The following CHST11 variants were observed in gnomAD, a reference collection of about 807,000 sequenced individuals.
The protein encoded by CHST11 is carbohydrate sulfotransferase 11.
CHST11 carries 9 observed loss-of-function variants against 30.4 expected under a neutral mutation model. That is an observed-to-expected ratio of 0.30 (90% CI 0.18 to 0.52). The LOEUF (loss-of-function observed/expected upper bound fraction) is 0.52, where lower values mean the gene tolerates loss of function less well. Among genes scored for constraint, CHST11 ranks in the 20% least tolerant of loss-of-function variants. CHST11 has a pLI of 0.97. For synonymous variants in CHST11, 152 were observed against 187.8 expected (o/e 0.81, Z 1.56); for missense variants, 348 against 460.6 (o/e 0.76, Z 2.24).
intron 1 of CHST11, among the ~76,000 whole-genome samples, chr12:104,556,389 C>T (rs1398751224): frequency 1.3e-5 from 2 of 152,006 alleles, no homozygotes; most frequent in African/African-American, 4.8e-5. Flanking sequence ...TATTAGGTTC[C>T]CAGGGCTGCC....
At chr12:104,548,762 G>A (rs913230247) in intron 1 of CHST11, among the ~76,000 whole-genome samples, 1 of 152,146 alleles carries the variant, frequency 6.6e-6, no homozygotes, top group African/African-American at 2.4e-5. Context: ...CTTAGGGCAG[G>A]GCCCCTTGCC....
intron 2 of CHST11, among the ~76,000 whole-genome samples, chr12:104,606,518 A>C (rs945872546): frequency 1.3e-5 from 2 of 152,200 alleles, no homozygotes; most frequent in African/African-American, 4.8e-5. Flanking sequence ...TTTTTAGTTA[A>C]GTTAACTGAG....
chr12:104,511,097 GGT>G (rs1565969084), intron 1 of CHST11, among the ~76,000 whole-genome samples: 1 of 152,192 alleles, frequency 6.6e-6, no homozygotes, highest in Non-Finnish European at 1.5e-5. Flanking sequence ...AGAAAGATAA[GGT>G]GGACAAAATG....
At chr12:104,611,854 C>T (rs921483056) in intron 2 of CHST11, among the ~76,000 whole-genome samples, 7 of 152,118 alleles carry the variant, frequency 4.6e-5, no homozygotes, top group African/African-American at 1.7e-4. Flanking sequence ...TTTCATAAGA[C>T]GTTATGTGAC....
chr12:104,628,830 G>T (rs192528326), intron 2 of CHST11, among the ~76,000 whole-genome samples: 2 of 152,284 alleles, frequency 1.3e-5, no homozygotes. Flanking sequence ...GCCTCTCTTT[G>T]AGAGCCCTTT....
chr12:104,571,530 C>T (rs1214461051), intron 1 of CHST11, among the ~76,000 whole-genome samples: 2 of 152,222 alleles, frequency 1.3e-5, no homozygotes, highest in African/African-American at 2.4e-5. Context: ...TGCTTGTAGA[C>T]ACAGGCTTTC....
chr12:104,652,418 T>C (rs1863880), intron 2 of CHST11, among the ~76,000 whole-genome samples: 107,540 of 151,968 alleles, frequency 0.71, 39,058 homozygotes, highest in African/African-American at 0.86. Context: ...TGTAAGAAAA[T>C]CAGAAGTTTC....
chr12:104,578,669 A>G (rs941428470), intron 1 of CHST11, among the ~76,000 whole-genome samples: 1 of 152,202 alleles, frequency 6.6e-6, no homozygotes, highest in African/African-American at 2.4e-5. Flanking sequence ...CTGTCCTTGC[A>G]GTGTGAAAAG....
chr12:104,490,973 C>T (rs1438003310), intron 1 of CHST11, among the ~76,000 whole-genome samples: 1 of 151,926 alleles, frequency 6.6e-6, no homozygotes, highest in Non-Finnish European at 1.5e-5. Flanking sequence ...ACTTCAGAGC[C>T]CCTGCTGTGG....
intron 1 of CHST11, among the ~76,000 whole-genome samples, chr12:104,513,149 G>GGGGGGGGGGGGGGGGGGGGGGGC (rs2037986329): frequency 9.5e-6 from 1 of 105,062 alleles, no homozygotes; most frequent in South Asian, 4.1e-4. Flanking sequence ...TGGGGGTGGG[G>GGGGGGGGGGGGGGGGGGGGGGGC]AGGGAGGGAG....
intron 2 of CHST11, among the ~76,000 whole-genome samples, chr12:104,618,572 T>G (rs2039131623): frequency 1.3e-5 from 2 of 152,196 alleles, no homozygotes; most frequent in East Asian, 3.8e-4. Flanking sequence ...TGTTCTCATC[T>G]TTAAAACTTT....
intron 2 of CHST11, among the ~76,000 whole-genome samples, chr12:104,652,899 C>A (rs2039506483): frequency 6.6e-6 from 1 of 152,232 alleles, no homozygotes; most frequent in South Asian, 2.1e-4. Flanking sequence ...ACGCTCCCTA[C>A]ACACTCCCTA....
intron 2 of CHST11, among the ~76,000 whole-genome samples, chr12:104,725,346 A>G (rs376070953): frequency 3.9e-5 from 6 of 152,286 alleles, no homozygotes; most frequent in African/African-American, 1.2e-4. Context: ...ACAAGAAAAC[A>G]GCAGTGAAGA....
At chr12:104,488,533 ATG>A (rs754027980) in intron 1 of CHST11, among the ~76,000 whole-genome samples, 4 of 134,320 alleles carry the variant, frequency 3.0e-5, no homozygotes, top group African/African-American at 5.8e-5. Flanking sequence ...CTGTGTGTAT[ATG>A]TGTGTATGTG....
intron 2 of CHST11, among the ~76,000 whole-genome samples, chr12:104,698,511 C>T (rs1298018895): frequency 2.0e-5 from 3 of 152,206 alleles, no homozygotes; most frequent in Non-Finnish European, 2.9e-5. Context: ...AGCTACAGTG[C>T]GCGCTCTGTA....
intron 2 of CHST11, among the ~76,000 whole-genome samples, chr12:104,616,440 C>T (rs1457706378): frequency 6.6e-6 from 1 of 151,792 alleles, no homozygotes; most frequent in East Asian, 1.9e-4. Flanking sequence ...AATTGGCCCC[C>T]ACCCCAGCCT....
intron 1 of CHST11, among the ~76,000 whole-genome samples, chr12:104,579,074 A>C (rs1218699599): frequency 6.6e-6 from 1 of 152,234 alleles, no homozygotes; most frequent in Admixed American, 6.5e-5. Context: ...GGGCTTGGTT[A>C]CATGCCCCTG....
At chr12:104,699,777 G>A (rs1314976041) in intron 2 of CHST11, among the ~76,000 whole-genome samples, 1 of 152,218 alleles carries the variant, frequency 6.6e-6, no homozygotes, top group African/African-American at 2.4e-5. Flanking sequence ...GTGATTTGGG[G>A]AAGGATCTTG....
intron 1 of CHST11, among the ~76,000 whole-genome samples, chr12:104,514,788 G>A (rs1198729529): frequency 6.6e-6 from 1 of 152,138 alleles, no homozygotes; most frequent in Non-Finnish European, 1.5e-5. Flanking sequence ...AGGATGGCAA[G>A]GTCTGCCCCC....
Sources: gnomAD v4.1 joint callset for allele counts (sites outside exome capture counted in the v4.1 genomes callset) on GRCh38, gnomAD v4.1.1 for gene constraint, MANE v1.5 for transcripts, NCBI Gene and HGNC (gene_info 2026-07-23, HGNC 2026-07-21) for gene names.